ALDH1A3: variants seen among roughly 807,000 people sequenced by gnomAD.
ALDH1A3 encodes aldehyde dehydrogenase 1 family member A3.
In ALDH1A3, 28 loss-of-function variants were observed where a neutral mutation model predicts 57.5. The observed-to-expected ratio is 0.49, with a 90% CI of 0.36 to 0.67. The LOEUF (loss-of-function observed/expected upper bound fraction) is 0.67, where lower values mean the gene tolerates loss of function less well. ALDH1A3 is among the 30% of genes least tolerant of loss of function. The probability of loss-of-function intolerance (pLI) is 0.00; values close to 1 mark genes in which losing one functional copy is unlikely to be tolerated. For synonymous variants in ALDH1A3, 281 were observed against 264.8 expected, an observed-to-expected ratio of 1.06 and a Z score of -0.59; for missense variants, 507 against 669.4, an observed-to-expected ratio of 0.76 and a Z score of 2.68.
At position 100,900,721 on chromosome 15, in the gene ALDH1A3, G is replaced by C; in HGVS notation, c.1030G>C (p.Gly344Arg). 6.2e-7 allele frequency: 1 copy of C among 1,614,054 alleles called. No individual in the cohort carries two copies. ...GGAGTATGCCAAGAAACGGCCCGTG[G>C]GAGACCCCTTCGATGTCAAAACAGA... ...SVEYAKKRPV[G>R]DPFDVKTEQG... Residue 344 changes from glycine to arginine, a missense_variant, in exon 9 of 13, where the codon GGA becomes CGA. By Grantham distance (125) the Gly-to-Arg change is moderately radical. This residue lies in a region of ALDH1A3 where 432 missense variants were observed against 608.4 expected (regional missense o/e 0.71). Transcript: ENST00000329841.
chr15:100,907,844 C>CTTTTTTTTTTTTTTTT (rs71151987), intron 11 of ALDH1A3, among the ~76,000 whole-genome samples: 36 of 81,930 alleles, frequency 4.4e-4, no homozygotes, highest in South Asian at 5.9e-4. Context: ...TTCTTTCTTT[C>CTTTTTTTTTTTTTTTT]TTTTTTTTTT....
chr15:100,888,160 G>A (rs866584347), intron 3 of ALDH1A3, among the ~76,000 whole-genome samples: 29 of 152,038 alleles, frequency 1.9e-4, no homozygotes, highest in African/African-American at 6.8e-4. Flanking sequence ...GTGCAGTGGC[G>A]CGATCTCGGC....
At position 100,893,337 on chromosome 15, in the gene ALDH1A3, G is replaced by T. The variant is rs926316595; in HGVS notation, c.537+331G>T. The stretch of plus-strand genomic sequence containing the variant: ...TTCAACAAGGAAAAGGATTTTCCAA[G>T]GAGTGGGAATGGCCTAGGCAAAAGT... On this transcript the variant is annotated intron_variant, in intron 5 of 12. Transcript: ENST00000329841. This position sits in a 1 kb window ranked among gnomAD's most constrained non-coding sequence, Gnocchi z 4.8. 2 of 237,080 alleles carry T rather than the reference G, an allele frequency of 8.4e-6. No individual in the cohort carries two copies. The highest frequency in any genetic ancestry group is 8.1e-6 in the Non-Finnish European group (1 of 122,756). 14.7% of individuals were successfully genotyped at this position (237,080 alleles called of 1,614,324 possible).
chr15:100,902,905 G>T (rs535882270), intron 9 of ALDH1A3, among the ~76,000 whole-genome samples: 1 of 152,352 alleles, frequency 6.6e-6, no homozygotes, highest in African/African-American at 2.4e-5. Flanking sequence ...CAGCCAGGGA[G>T]GACCTGCGGT....
At position 100,896,027 on chromosome 15, in the gene ALDH1A3, C is replaced by T; in HGVS notation, c.761C>T (p.Ala254Val). 1 of 1,611,288 alleles carries T rather than the reference C, an allele frequency of 6.2e-7. No individual in the cohort carries two copies. The highest frequency in any genetic ancestry group is 8.5e-7 in the Non-Finnish European group (1 of 1,178,734). ...ISSHPQINKI[A>V]FTGSTEVGKL... ...TCTCACCCTCAGATCAACAAGATCG[C>T]CTTCACCGGCTCCACAGAGGTAACC... Residue 254 changes from alanine (A) to valine (V), a missense_variant, in exon 7 of 13, where the codon GCC (alanine) becomes GTC (valine). By Grantham distance (64) the Ala-to-Val change is moderately conservative (BLOSUM62 0). Coordinates refer to ENST00000329841, the MANE Select transcript of ALDH1A3 (RefSeq NM_000693.4).
At chr15:100,908,321 C>A in intron 11 of ALDH1A3, 87 bp from the exon 12 acceptor site, 1 of 1,096,426 alleles carries the variant, frequency 9.1e-7, no homozygotes, top group Non-Finnish European at 1.4e-6. Flanking sequence ...TTAGACAATG[C>A]CCTGCACTGG....
intron 1 of ALDH1A3, 74 bp downstream of exon 1, chr15:100,880,080 C>A: frequency 1.7e-6 from 2 of 1,146,694 alleles, no homozygotes; most frequent in Non-Finnish European, 2.2e-6. Context: ...GCGGCGGGGG[C>A]GAGGGAGCAG....
rs951380489 is a variant in ALDH1A3 at position 100,894,336 on chromosome 15, G to C, written c.666+254G>C. On this transcript the variant is annotated intron_variant, in intron 6 of 12. Coordinates refer to ENST00000329841, the MANE Select transcript of ALDH1A3 (RefSeq NM_000693.4). The surrounding 1 kb of genome is among the most constrained non-coding windows in gnomAD (Gnocchi z 4.5). Reference sequence around the variant, plus strand: ...ATTATGGGCTCAAACCTATGGTTGAGGACCCAGTGGTTTGTCTAGAGAATT... The same window carrying C: ...ATTATGGGCTCAAACCTATGGTTGACGACCCAGTGGTTTGTCTAGAGAATT... 1.1e-4 allele frequency: 39 copies of C among 367,790 alleles called. No individual in the cohort carries two copies. Among genetic ancestry groups the C allele is most frequent in the Non-Finnish European group, 9.8e-6 (2 of 203,244 alleles). The allele number at this position is 367,790 out of a possible 1,614,324, so 22.8% of individuals were successfully genotyped here.
In ALDH1A3 at chr15:100,900,779, T is replaced by A; in HGVS notation, c.1068+20T>A. 6.2e-7 allele frequency: 1 copy of A among 1,611,690 alleles called. No individual in the cohort carries two copies. Among genetic ancestry groups the A allele is most frequent in the Non-Finnish European group, 8.5e-7 (1 of 1,178,600 alleles). ...CCTCAGGTAATCCCCCTGGTGTGTG[T>A]GAAACCATGGTGCTTGTCTAGGGGC... On this transcript the variant is annotated intron_variant, in intron 9 of 12. Transcript: ENST00000329841.
intron 3 of ALDH1A3, among the ~76,000 whole-genome samples, chr15:100,891,068 GC>G (rs1188792732): frequency 2.6e-5 from 4 of 152,192 alleles, no homozygotes; most frequent in Non-Finnish European, 5.9e-5. Flanking sequence ...GGATCGCCAA[GC>G]CCTTCTCTGG....
At chr15:100,895,419 T>C (rs1250480514) in intron 6 of ALDH1A3, 1 of 149,542 alleles carries the variant, frequency 6.7e-6, no homozygotes, top group Non-Finnish European at 1.5e-5. Context: ...CACTACACTC[T>C]AGCCAGGGCG....
At chr15:100,912,110 G>A (rs1367518294) in intron 12 of ALDH1A3, among the ~76,000 whole-genome samples, 1 of 152,200 alleles carries the variant, frequency 6.6e-6, no homozygotes, top group Non-Finnish European at 1.5e-5. Context: ...CTCCCATGAG[G>A]AACTTTTGTG....
chr15:100,908,474 C>G lies in ALDH1A3; in HGVS notation c.1458C>G (p.Gly486=), dbSNP rs200617229. ...PFGGFKMSGN[G]RELGEYALAE... ...GTGGCTTTAAAATGTCAGGAAATGG[C>G]AGAGAACTGTAAGTGTTTCCATCAT... Residue 486 remains glycine (G), a synonymous_variant, in exon 12 of 13, where the codon GGC becomes GGG. Transcript: ENST00000329841. 4 of 1,612,032 alleles carry G rather than the reference C, an allele frequency of 2.5e-6. No individual in the cohort carries two copies. The South Asian group carries it at 4.4e-5, about 18-fold the overall frequency.
At chr15:100,913,917 C>T (rs576195648) in intron 12 of ALDH1A3, 5 of 152,236 alleles carry the variant, frequency 3.3e-5, no homozygotes, top group Non-Finnish European at 7.3e-5. Flanking sequence ...TTTTTCTTCA[C>T]CTGACAGCAG....
Position 100,880,269 on chromosome 15 carries a change from C to T in ALDH1A3, c.99+263C>T, listed in dbSNP as rs560469745. On this transcript the variant is annotated intron_variant, in intron 1 of 12. Transcript: ENST00000329841. ...CCAGCGCCCGCGCGGGGCCGGGCCG[C>T]CCGCATCCCTGCGAGGCCCCGACGT... The T allele has an allele frequency of 9.3e-4, 361 of 386,486 alleles. 2 individuals carry two copies. The highest frequency in any genetic ancestry group is 7.0e-3 in the Admixed American group (156 of 22,288). 23.9% of individuals were successfully genotyped at this position (386,486 alleles called of 1,614,324 possible). A position where few individuals can be genotyped will look rare whatever the true frequency, so the allele number is the denominator to read the frequency against.
At chr15:100,908,691 C>T (rs2041850986) in intron 12 of ALDH1A3, among the ~76,000 whole-genome samples, 1 of 152,210 alleles carries the variant, frequency 6.6e-6, no homozygotes, top group African/African-American at 2.4e-5. Context: ...CAGCCTGCCC[C>T]CCTCCAGGCC....
chr15:100,902,590 A>T (rs1278722236), intron 9 of ALDH1A3, among the ~76,000 whole-genome samples: 1 of 152,198 alleles, frequency 6.6e-6, no homozygotes, highest in Non-Finnish European at 1.5e-5. Context: ...TATGCAGGCC[A>T]CCTGGCCGGG....
At position 100,905,611 on chromosome 15, in the gene ALDH1A3, T is replaced by C. The variant is rs762831163; in HGVS notation, c.1157T>C (p.Met386Thr). ...AAGCTGGAATGCGGGGGCTCAGCCA[T>C]GGAAGACAAGGGGCTCTTCATCAAA... ...GAKLECGGSA[M>T]EDKGLFIKPT... Residue 386 changes from methionine (M) to threonine (T), a missense_variant, in exon 10 of 13, where the codon ATG becomes ACG. This residue lies in a region of ALDH1A3 where 432 missense variants were observed against 608.4 expected (regional missense o/e 0.71). Transcript: ENST00000329841. 16 of 1,613,634 alleles carry C rather than the reference T, an allele frequency of 9.9e-6. No individual in the cohort carries two copies. The highest frequency in any genetic ancestry group is 1.3e-5 in the African/African-American group (1 of 74,874).
chr15:100,892,788 C>A, intron 4 of ALDH1A3, 149 bp downstream of exon 4: 2 of 1,353,072 alleles, frequency 1.5e-6, no homozygotes, highest in Non-Finnish European at 1.0e-6. Flanking sequence ...CTTCTAAGAA[C>A]TTCACTTTTA....
Sources: gnomAD v4.1 joint callset for allele counts (sites outside exome capture counted in the v4.1 genomes callset) on GRCh38, gnomAD v4.1.1 for gene constraint, gnomAD v4.1.1 regional missense constraint, Gnocchi (gnomAD v3.1) non-coding constraint, MANE v1.5 for transcripts, NCBI Gene and HGNC (gene_info 2026-07-23, HGNC 2026-07-21) for gene names.